Variants in BACC1 observed in about 807,000 individuals in gnomAD.
The protein encoded by BACC1 is BPTF associated chromatin complex component 1.
chr17:7,017,117 G>A, the BACC1 span: 1 of 1,526,506 alleles, frequency 6.6e-7, no homozygotes, highest in Non-Finnish European at 9.1e-7. Flanking sequence ...TTGTATAGGG[G>A]TTTCAGAAGA....
At chr17:7,015,978 CTACTT>C in the BACC1 span, 2 of 917,988 alleles carry the variant, frequency 2.2e-6, no homozygotes, top group African/African-American at 1.7e-5. Flanking sequence ...AGCTGCTTCC[CTACTT>C]TGTCACTAGT....
At chr17:7,016,649 G>C in the BACC1 span, 2 of 1,612,930 alleles carry the variant, frequency 1.2e-6, no homozygotes, top group Non-Finnish European at 1.7e-6. Flanking sequence ...CAGTGTCCCT[G>C]AGGCCGGGGG....
the BACC1 span, chr17:7,015,827 T>C: frequency 6.2e-7 from 1 of 1,614,134 alleles, no homozygotes; most frequent in Non-Finnish European, 8.5e-7. Context: ...GTGAAGCGAT[T>C]TGGGGACGAT....
chr17:7,016,732 G>A, the BACC1 span: 2 of 1,576,224 alleles, frequency 1.3e-6, no homozygotes, highest in South Asian at 1.1e-5. Flanking sequence ...TCCCATCTGA[G>A]GTTTAGTGAG....
the BACC1 span, chr17:7,016,567 CAAGA>C: frequency 6.2e-7 from 1 of 1,614,174 alleles, no homozygotes; most frequent in Non-Finnish European, 8.5e-7. Context: ...CTGAGTCACC[CAAGA>C]AAGGGCCCAA....
At chr17:7,017,452 G>T in the BACC1 span, 16 of 830,030 alleles carry the variant, frequency 1.9e-5, no homozygotes, top group East Asian at 4.0e-4. Flanking sequence ...ATAAGCATCT[G>T]CCCCCAACCC....
At chr17:7,017,382 G>A in the BACC1 span, 1 of 1,495,818 alleles carries the variant, frequency 6.7e-7, no homozygotes, top group Non-Finnish European at 9.3e-7. Context: ...GGGACTCCGA[G>A]CAAGGCCTGC....
the BACC1 span, chr17:7,016,068 A>C: frequency 3.4e-6 from 2 of 581,270 alleles, no homozygotes; most frequent in Non-Finnish European, 6.1e-6. Flanking sequence ...TGCTGTGGTA[A>C]TCCTTCCAAG....
chr17:7,014,849 C>A, the BACC1 span: 1 of 1,531,962 alleles, frequency 6.5e-7, no homozygotes, highest in South Asian at 1.2e-5. This position sits in a 1 kb window ranked among gnomAD's most constrained non-coding sequence, Gnocchi z 4.5. Context: ...TGAGGAGGCG[C>A]GCGGGGCCAT....
chr17:7,016,385 C>T, the BACC1 span: 1 of 1,276,332 alleles, frequency 7.8e-7, no homozygotes, highest in Non-Finnish European at 1.1e-6. Context: ...GGGTTGGGGC[C>T]CCGACCTGGA....
the BACC1 span, chr17:7,016,787 C>T: frequency 2.0e-6 from 3 of 1,528,498 alleles, no homozygotes; most frequent in Non-Finnish European, 2.7e-6. Flanking sequence ...TCTTCCTGTC[C>T]CTGTGGAGGT....
the BACC1 span, chr17:7,017,256 GACAGCCTGAC>G: frequency 6.2e-7 from 1 of 1,614,108 alleles, no homozygotes; most frequent in South Asian, 1.1e-5. Context: ...TCCTGTTCCA[GACAGCCTGAC>G]CCTGGATTCT....
the BACC1 span, chr17:7,015,756 CCT>C: frequency 6.2e-7 from 1 of 1,609,416 alleles, no homozygotes; most frequent in African/African-American, 1.3e-5. Flanking sequence ...TGCTATCCCC[CCT>C]CTCCCCTTCT....
At chr17:7,017,077 C>T in the BACC1 span, 7 of 1,547,870 alleles carry the variant, frequency 4.5e-6, no homozygotes, top group Non-Finnish European at 5.4e-6. Flanking sequence ...ACCTGGATGG[C>T]AGGGCACGGT....
At chr17:7,016,609 T>A in the BACC1 span, 1 of 1,614,120 alleles carries the variant, frequency 6.2e-7, no homozygotes, top group African/African-American at 1.3e-5. Context: ...TCTTGTCACC[T>A]CCTCCAGCTG....
the BACC1 span, chr17:7,016,939 G>A: frequency 1.7e-5 from 28 of 1,613,936 alleles, no homozygotes; most frequent in South Asian, 3.3e-5. Context: ...GAACGACTCC[G>A]ATGCCAACAG....
chr17:7,015,001 G>T, the BACC1 span: 1 of 1,427,180 alleles, frequency 7.0e-7, no homozygotes, highest in African/African-American at 1.5e-5. Flanking sequence ...GTGGGGCTAG[G>T]GGCTCCGGGC....
the BACC1 span, chr17:7,015,157 G>A: frequency 1.3e-6 from 2 of 1,570,988 alleles, no homozygotes; most frequent in Admixed American, 1.8e-5. Flanking sequence ...CTCCTGCGGG[G>A]TACGTGAGCC....
chr17:7,017,292 T>G, the BACC1 span: 1 of 1,614,006 alleles, frequency 6.2e-7, no homozygotes, highest in African/African-American at 1.3e-5. Flanking sequence ...TCTCATGACC[T>G]CTGCTGATCC....
Sources: gnomAD v4.1 joint callset for allele counts on GRCh38, gnomAD v4.1.1 for gene constraint, Gnocchi (gnomAD v3.1) non-coding constraint, MANE v1.5 for transcripts, NCBI Gene and HGNC (gene_info 2026-07-23, HGNC 2026-07-21) for gene names.